NGEF: variants seen among roughly 807,000 people sequenced by gnomAD.
NGEF encodes the protein ephexin-1.
A neutral mutation model predicts 80.9 loss-of-function variants in NGEF; 31 were observed. The observed-to-expected ratio is 0.38, with a 90% CI of 0.29 to 0.52. The LOEUF (loss-of-function observed/expected upper bound fraction) is 0.52, where lower values mean the gene tolerates loss of function less well. Ranked by LOEUF, NGEF falls within the 20% of genes least tolerant of loss-of-function variation. The probability of loss-of-function intolerance (pLI) is 0.84; values close to 1 mark genes in which losing one functional copy is unlikely to be tolerated. For missense variants in NGEF, 709 were observed against 926.2 expected (o/e 0.77, Z 3.04); for synonymous variants, 371 against 370.2 (o/e 1.00, Z -0.03).
At position 232,894,762 on chromosome 2, in the gene NGEF, C is replaced by CT. The variant is rs780732888; in HGVS notation, c.982dup (p.Ser328LysfsTer2). On this transcript the variant is annotated frameshift_variant, in exon 6 of 15. Coordinates refer to ENST00000264051, the MANE Select transcript of NGEF (RefSeq NM_019850.3). LOFTEE classifies it high-confidence loss of function. ...CTGTCCCCCCCGTCCTCACCGCTCA[C>CT]TGACAGCCAGCACGTCCAGGACGTT... is the stretch of plus-strand genomic sequence containing the variant. The CT allele has an allele frequency of 2.5e-6, 4 of 1,583,970 alleles. No homozygotes were observed. Among genetic ancestry groups the CT allele is most frequent in the Non-Finnish European group, 1.7e-6 (2 of 1,156,390 alleles).
intron 5 of NGEF, among the ~76,000 whole-genome samples, chr2:232,904,224 C>T (rs1327691498): frequency 1.3e-5 from 2 of 152,078 alleles, no homozygotes; most frequent in African/African-American, 4.8e-5. Flanking sequence ...AGTGTGTGTC[C>T]CTGCTCCCCT....
chr2:232,921,438 G>A (rs1359486470), intron 4 of NGEF, among the ~76,000 whole-genome samples: 1 of 152,154 alleles, frequency 6.6e-6, no homozygotes, highest in Non-Finnish European at 1.5e-5. Context: ...AACACACTCT[G>A]TTCTACATTT....
At chr2:232,981,683 C>T (rs531250003) in intron 1 of NGEF, among the ~76,000 whole-genome samples, 5 of 152,162 alleles carry the variant, frequency 3.3e-5, no homozygotes, top group Non-Finnish European at 5.9e-5. Flanking sequence ...CCCCACTTCC[C>T]GAGACCCTAC....
rs184651618 is a variant in NGEF, at chr2:232,949,025, C to A, written c.383+21189G>T. ...AGAGCAAGACTGCGTCTCAAAAAAACCCCCCAAAAAAAACAAACAAAAAAA... is the reference window on the plus strand; with the variant it reads ...AGAGCAAGACTGCGTCTCAAAAAAAACCCCCAAAAAAAACAAACAAAAAAA... On this transcript the variant is annotated intron_variant, in intron 3 of 14. Coordinates refer to ENST00000264051, the MANE Select transcript of NGEF (RefSeq NM_019850.3). 1.5e-3 allele frequency among the ~76,000 whole-genome samples: 195 copies of A among 132,176 alleles called. 1 individual carries two copies. The highest frequency in any genetic ancestry group is 5.1e-3 in the African/African-American group (181 of 35,492). The allele number at this position is 132,176 out of a possible 152,430, so 86.7% of individuals were successfully genotyped here. A position where few individuals can be genotyped will look rare whatever the true frequency, so the allele number is the denominator to read the frequency against.
intron 3 of NGEF, among the ~76,000 whole-genome samples, chr2:232,941,131 G>A (rs1693429428): frequency 6.6e-6 from 1 of 152,136 alleles, no homozygotes; most frequent in Non-Finnish European, 1.5e-5. Flanking sequence ...TGAAATCATA[G>A]GAAGTCGGAG....
At chr2:232,980,970 G>A (rs565550900) in intron 1 of NGEF, among the ~76,000 whole-genome samples, 1 of 152,078 alleles carries the variant, frequency 6.6e-6, no homozygotes, top group African/African-American at 2.4e-5. Flanking sequence ...TCAGAGGCAA[G>A]CAGGAGTCCT....
intron 1 of NGEF, among the ~76,000 whole-genome samples, chr2:232,988,446 A>G (rs1694583576): frequency 1.3e-5 from 2 of 152,234 alleles, no homozygotes; most frequent in South Asian, 2.1e-4. Context: ...TTCACTTGCT[A>G]TATTGGCAAA....
chr2:232,922,096 C>T (rs532657632), intron 4 of NGEF, among the ~76,000 whole-genome samples: 2 of 152,242 alleles, frequency 1.3e-5, no homozygotes, highest in East Asian at 1.9e-4. Context: ...CGAGGCCCCT[C>T]GATATGTCTA....
At chr2:232,981,413 C>T (rs553196461) in intron 1 of NGEF, among the ~76,000 whole-genome samples, 7 of 152,184 alleles carry the variant, frequency 4.6e-5, no homozygotes, top group East Asian at 1.9e-4. Context: ...GTAGAAATTA[C>T]GGTTTAGGGG....
intron 1 of NGEF, among the ~76,000 whole-genome samples, chr2:232,981,227 T>A (rs1252455691): frequency 1.2e-5 from 1 of 85,752 alleles, no homozygotes; most frequent in Admixed American, 1.1e-4. Flanking sequence ...AACTCCACCT[T>A]GCTTCTAACC....
At position 232,927,028 on chromosome 2, in the gene NGEF, C is replaced by T. The variant is rs1276594080; in HGVS notation, c.526+16G>A. The T allele has an allele frequency of 3.1e-6, 5 of 1,614,002 alleles. No homozygotes were observed. In the Admixed American group the frequency reaches 8.3e-5, roughly 27 times the overall value. On this transcript the variant is annotated intron_variant, in intron 4 of 14. Coordinates refer to ENST00000264051, the MANE Select transcript of NGEF (RefSeq NM_019850.3). The stretch of plus-strand genomic sequence containing the variant: ...GCGTTTCCCAAATAAAACCCGGTTA[C>T]TGCGGAGACACCCACCTATTTGTTC...
intron 3 of NGEF, among the ~76,000 whole-genome samples, chr2:232,954,478 C>T (rs919726675): frequency 6.6e-6 from 1 of 152,140 alleles, no homozygotes; most frequent in Non-Finnish European, 1.5e-5. Context: ...GTAATCCCAG[C>T]ATTTTGGGAG....
intron 5 of NGEF, among the ~76,000 whole-genome samples, chr2:232,901,004 A>G (rs1235792786): frequency 6.6e-6 from 1 of 152,256 alleles, no homozygotes; most frequent in Non-Finnish European, 1.5e-5. Flanking sequence ...TTCAAGTCAC[A>G]CATTTGAAAA....
intron 2 of NGEF, among the ~76,000 whole-genome samples, chr2:232,971,818 C>T (rs1444942847): frequency 2.0e-5 from 3 of 152,204 alleles, no homozygotes; most frequent in South Asian, 2.1e-4. Context: ...AGGTCACAAA[C>T]TCGAGGCTCT....
chr2:232,924,220 G>A (rs1173548924), intron 4 of NGEF, among the ~76,000 whole-genome samples: 1 of 152,196 alleles, frequency 6.6e-6, no homozygotes, highest in African/African-American at 2.4e-5. Context: ...CTGGGTGACA[G>A]AGTGAGGCTC....
chr2:232,924,211 T>C (rs1436977323), intron 4 of NGEF, among the ~76,000 whole-genome samples: 1 of 152,164 alleles, frequency 6.6e-6, no homozygotes, highest in Non-Finnish European at 1.5e-5. Context: ...CACTCCAGTC[T>C]GGGTGACAGA....
At chr2:232,928,145 C>G in intron 3 of NGEF, 1 of 987,786 alleles carries the variant, frequency 1.0e-6, no homozygotes, top group Non-Finnish European at 1.2e-6. Flanking sequence ...CCACCGCTGC[C>G]GAGCACTCCC....
intron 3 of NGEF, among the ~76,000 whole-genome samples, chr2:232,944,776 G>T (rs1489176858): frequency 1.8e-5 from 2 of 111,158 alleles, no homozygotes; most frequent in African/African-American, 7.1e-5. Context: ...TTTGGAGATG[G>T]AGTCCTGCTC....
At chr2:232,989,734 G>A (rs977897940) in intron 1 of NGEF, among the ~76,000 whole-genome samples, 1 of 152,166 alleles carries the variant, frequency 6.6e-6, no homozygotes, top group Admixed American at 6.5e-5. Flanking sequence ...GTTTCCCAAA[G>A]AATTAGGTAT....
Sources: allele counts gnomAD v4.1 joint callset (sites outside exome capture counted in the v4.1 genomes callset), GRCh38; gene constraint gnomAD v4.1.1; transcripts MANE v1.5; gene names NCBI Gene and HGNC (gene_info 2026-07-23, HGNC 2026-07-21).